Variants in CPEB1 observed in about 807,000 individuals in gnomAD.
CPEB1 encodes cytoplasmic polyadenylation element-binding protein 1.
CPEB1 carries 7 observed loss-of-function variants against 65.8 expected under a neutral mutation model. The ratio of observed to expected loss-of-function variants is 0.11; its 90% CI spans 0.06 to 0.20. CPEB1 has a LOEUF of 0.20. Ranked by LOEUF, CPEB1 falls within the 10% of genes least tolerant of loss-of-function variation. The probability of loss-of-function intolerance (pLI) is 1.00; values close to 1 mark genes in which losing one functional copy is unlikely to be tolerated. For synonymous variants in CPEB1, 262 were observed against 260.0 expected (o/e 1.01, Z -0.08); for missense variants, 551 against 712.2 (o/e 0.77, Z 2.58).
rs1368763759 is a variant in CPEB1, at chr15:82,544,266, C to A, written c.*326G>T. The A allele has an allele frequency of 1.5e-5, 4 of 260,406 alleles. No individual in the cohort carries two copies. Among genetic ancestry groups the A allele is most frequent in the African/African-American group, 2.4e-5 (1 of 41,570 alleles). 16.1% of individuals were successfully genotyped at this position (260,406 alleles called of 1,614,324 possible). On this transcript the variant is annotated 3_prime_UTR_variant, in exon 13 of 13. Transcript: ENST00000684509. ...TGTCAATACCTCAATACCTTCTGGA[C>A]ACGTAGTTTTTTTTTTTTTTTTTTT...
At chr15:82,619,658 T>C (rs181959730) in intron 3 of CPEB1, among the ~76,000 whole-genome samples, 6 of 151,796 alleles carry the variant, frequency 4.0e-5, no homozygotes, top group Admixed American at 2.6e-4. Flanking sequence ...AAAAAGGATA[T>C]CCAAAGGCCA....
intron 3 of CPEB1, among the ~76,000 whole-genome samples, chr15:82,615,002 A>T (rs1326243011): frequency 6.6e-6 from 1 of 152,192 alleles, no homozygotes; most frequent in Non-Finnish European, 1.5e-5. Context: ...AGTATTCAAT[A>T]CAAATCTTAT....
At chr15:82,569,549 C>A (rs1045049995) in intron 4 of CPEB1, among the ~76,000 whole-genome samples, 15 of 152,208 alleles carry the variant, frequency 9.9e-5, no homozygotes, top group Non-Finnish European at 4.4e-5. Flanking sequence ...CAGAGACAAA[C>A]AGCTACAAGC....
Position 82,556,087 on chromosome 15 carries a change from C to T in CPEB1, c.723G>A (p.Leu241=), listed in dbSNP as rs371967965. 9.9e-5 allele frequency: 160 copies of T among 1,609,032 alleles called. No homozygotes were observed. Among genetic ancestry groups the T allele is most frequent in the Non-Finnish European group, 8.1e-5 (95 of 1,178,038 alleles). Residue 241 remains leucine, a synonymous_variant, in exon 6 of 13, where the codon CTG becomes CTA. Coordinates refer to ENST00000684509, the MANE Select transcript of CPEB1 (RefSeq NM_001365242.1). ...CTCTGGGACCACCCCCTGACAGAGA[C>T]AGGAAGGGCAGAGGTGGAGAAATGC... ...SLRISPPLPF[L]SLSGGGPRDP... is the part of the protein sequence containing the mutation.
At chr15:82,628,190 A>C in intron 2 of CPEB1, 174 bp downstream of exon 2, 1 of 701,994 alleles carries the variant, frequency 1.4e-6, no homozygotes. Flanking sequence ...CATCATGCCC[A>C]AAATAATAAA....
At chr15:82,611,015 T>C (rs572235697) in intron 3 of CPEB1, among the ~76,000 whole-genome samples, 1 of 137,224 alleles carries the variant, frequency 7.3e-6, no homozygotes, top group South Asian at 2.4e-4. Context: ...AATCCTCAAC[T>C]TGATAAAGGG....
chr15:82,585,009 T>C (rs2041670981), intron 3 of CPEB1, among the ~76,000 whole-genome samples: 1 of 150,582 alleles, frequency 6.6e-6, no homozygotes, highest in African/African-American at 2.5e-5. Context: ...TTGAGTAGTT[T>C]TTGCAGATAA....
chr15:82,614,265 A>G (rs990660937), intron 3 of CPEB1, among the ~76,000 whole-genome samples: 7 of 152,114 alleles, frequency 4.6e-5, no homozygotes, highest in Non-Finnish European at 7.4e-5. Context: ...TTAACCTCCC[A>G]AAGTGCTGGG....
Position 82,612,848 on chromosome 15 carries a change from AC to A in CPEB1, c.271+14344del, listed in dbSNP as rs551259270. On this transcript the variant is annotated intron_variant, in intron 3 of 12. Transcript: ENST00000684509. ...GACTCTGTCTCAAAAAAAAGAACAA[AC>A]AAACAAACAAACAAACAAAACAAAC... Among the ~76,000 whole-genome samples the A allele has an allele frequency of 6.2e-4, 31 of 50,398 alleles. No individual in the cohort carries two copies. The South Asian group carries it at 6.2e-3, about 10-fold the overall frequency. 33.1% of individuals were successfully genotyped at this position (50,398 alleles called of 152,430 possible). A position where few individuals can be genotyped will look rare whatever the true frequency, so the allele number is the denominator to read the frequency against.
At chr15:82,601,678 T>C (rs1033476185) in intron 3 of CPEB1, among the ~76,000 whole-genome samples, 1 of 152,122 alleles carries the variant, frequency 6.6e-6, no homozygotes, top group African/African-American at 2.4e-5. Context: ...GATTGACAGG[T>C]TGAAAAACAT....
chr15:82,552,723 A>G (rs1309541862), intron 8 of CPEB1, 107 bp from the exon 9 acceptor site: 2 of 1,264,634 alleles, frequency 1.6e-6, no homozygotes, highest in African/African-American at 1.5e-5. Flanking sequence ...TCTTGTGTAT[A>G]AGATACATTT....
At chr15:82,557,193 T>G (rs2037361213) in intron 5 of CPEB1, among the ~76,000 whole-genome samples, 1 of 152,212 alleles carries the variant, frequency 6.6e-6, no homozygotes, top group Non-Finnish European at 1.5e-5. Flanking sequence ...TACATGGCTG[T>G]AGATAAGGAA....
intron 3 of CPEB1, among the ~76,000 whole-genome samples, chr15:82,574,500 T>C (rs961046857): frequency 3.9e-5 from 6 of 151,972 alleles, no homozygotes; most frequent in Admixed American, 6.6e-5. Flanking sequence ...GGCAGATCGC[T>C]TGAGGTCAGG....
At chr15:82,641,800 T>C (rs1302525475) in intron 1 of CPEB1, 3 of 151,676 alleles carry the variant, frequency 2.0e-5, no homozygotes, top group African/African-American at 7.3e-5. Context: ...CTAAGTGTTC[T>C]CCTGAACTAC....
At chr15:82,613,481 G>T (rs996945286) in intron 3 of CPEB1, among the ~76,000 whole-genome samples, 2 of 152,028 alleles carry the variant, frequency 1.3e-5, no homozygotes, top group Admixed American at 6.5e-5. Flanking sequence ...TCCACCTCCT[G>T]AGCTCAAGCG....
intron 3 of CPEB1, among the ~76,000 whole-genome samples, chr15:82,600,258 A>G (rs1485077945): frequency 6.6e-6 from 1 of 152,232 alleles, no homozygotes; most frequent in Non-Finnish European, 1.5e-5. Flanking sequence ...GTATATGGAG[A>G]GTGAAATGAT....
intron 3 of CPEB1, among the ~76,000 whole-genome samples, chr15:82,587,625 C>T (rs2151129565): frequency 6.6e-6 from 1 of 152,234 alleles, no homozygotes; most frequent in East Asian, 1.9e-4. Context: ...TGAATCTTTA[C>T]TGAAATTTTC....
chr15:82,587,081 A>C (rs2041865243), intron 3 of CPEB1, among the ~76,000 whole-genome samples: 2 of 152,238 alleles, frequency 1.3e-5, no homozygotes, highest in South Asian at 4.1e-4. Context: ...TAACAGAAAA[A>C]ATAACTGTTC....
chr15:82,617,795 G>A (rs1173675545), intron 3 of CPEB1, among the ~76,000 whole-genome samples: 12 of 139,522 alleles, frequency 8.6e-5, no homozygotes, highest in Admixed American at 5.2e-4. Context: ...GTGCAGTGGC[G>A]GGATCTCGGC....
Sources: gnomAD v4.1 joint callset for allele counts (sites outside exome capture counted in the v4.1 genomes callset) on GRCh38, gnomAD v4.1.1 for gene constraint, MANE v1.5 for transcripts, NCBI Gene and HGNC (gene_info 2026-07-23, HGNC 2026-07-21) for gene names.